Variants in TNFRSF1B observed in about 807,000 individuals in gnomAD.
The protein encoded by TNFRSF1B is tumor necrosis factor receptor superfamily member 1B.
Under a neutral mutation model 44.6 loss-of-function variants are expected in TNFRSF1B, and 19 were observed. The observed-to-expected ratio is 0.43, with a 90% CI of 0.30 to 0.62. TNFRSF1B has a LOEUF of 0.62. Among genes scored for constraint, TNFRSF1B ranks in the 20% least tolerant of loss-of-function variants. The pLI, the probability that TNFRSF1B is intolerant of heterozygous loss-of-function variation, is 0.16. For synonymous variants in TNFRSF1B, 252 were observed against 261.1 expected, an observed-to-expected ratio of 0.97 and a Z score of 0.34; for missense variants, 541 against 619.9, an observed-to-expected ratio of 0.87 and a Z score of 1.35.
rs557951117 is a variant in TNFRSF1B, at chr1:12,207,166, C to T, written c.*146C>T. ...AAGTTCCTCTAGTGCCCTCCACAGC[C>T]GCAGCCTCCCTCTGACCTGCAGGCC... On this transcript the variant is annotated 3_prime_UTR_variant, in exon 10 of 10. Transcript: ENST00000376259. 2.5e-5 allele frequency: 20 copies of T among 809,776 alleles called. No homozygotes were observed. Among genetic ancestry groups the T allele is most frequent in the African/African-American group, 3.5e-5 (2 of 57,438 alleles). 50.2% of individuals were successfully genotyped at this position (809,776 alleles called of 1,614,324 possible).
rs1377148072 is a variant in TNFRSF1B, at chr1:12,171,472, C to A, written c.78+4303C>A. 1.3e-5 allele frequency among the ~76,000 whole-genome samples: 2 copies of A among 152,232 alleles called. No individual in the cohort carries two copies. Among genetic ancestry groups the A allele is most frequent in the African/African-American group, 4.8e-5 (2 of 41,454 alleles). On this transcript the variant is annotated intron_variant, in intron 1 of 9. Transcript: ENST00000376259. The surrounding 1 kb of genome is among the most constrained non-coding windows in gnomAD (Gnocchi z 4.5). Reference sequence around the variant, plus strand: ...GCTTCCTTCTGCTGAAGTAGACAATCCTGCCTGTAGGTGCTCCCTGCCAGG... The same window carrying A: ...GCTTCCTTCTGCTGAAGTAGACAATACTGCCTGTAGGTGCTCCCTGCCAGG...
intron 1 of TNFRSF1B, among the ~76,000 whole-genome samples, chr1:12,179,738 A>G (rs1368021159): frequency 6.6e-6 from 1 of 152,204 alleles, no homozygotes; most frequent in Non-Finnish European, 1.5e-5. Flanking sequence ...TGTTGCTGCC[A>G]TCAGCTCCTG....
At chr1:12,192,571 C>T in intron 5 of TNFRSF1B, 47 bp downstream of exon 5, 1 of 1,567,542 alleles carries the variant, frequency 6.4e-7, no homozygotes, top group Non-Finnish European at 8.8e-7. Context: ...GAGGGGCTGT[C>T]CCTGGGTGAC....
At chr1:12,197,546 A>G (rs1453686314) in intron 8 of TNFRSF1B, among the ~76,000 whole-genome samples, 1 of 145,414 alleles carries the variant, frequency 6.9e-6, no homozygotes, top group African/African-American at 2.4e-5. Flanking sequence ...GGCAGGGAGC[A>G]TCATCACCCC....
chr1:12,191,476 G>C (rs1182379083), intron 3 of TNFRSF1B, among the ~76,000 whole-genome samples: 1 of 151,662 alleles, frequency 6.6e-6, no homozygotes, highest in Non-Finnish European at 1.5e-5. Context: ...GGGAGGAGCG[G>C]GACTGTGGGG....
chr1:12,192,856 C>T lies in TNFRSF1B; in HGVS notation c.552-7C>T. 6.2e-7 allele frequency: 1 copy of T among 1,611,316 alleles called. No homozygotes were observed. Among genetic ancestry groups the T allele is most frequent in the Non-Finnish European group, 8.5e-7 (1 of 1,178,370 alleles). On this transcript the variant is annotated splice_polypyrimidine_tract_variant and splice_region_variant and intron_variant, in intron 5 of 9. Transcript: ENST00000376259. The stretch of plus-strand genomic sequence containing the variant: ...CTGCCTCCTGACCAAGCCTCCTCCT[C>T]CTCCAGCTGTAACGTGGTGGCCATC...
rs1189878327 is a variant in TNFRSF1B at position 12,178,088 on chromosome 1, C to A, written c.79-10708C>A. ...AGGTGGTGGTGGAGGAGACCGTGAG[C>A]CGCTGTCACCTGAACACTGGTGCAC... On this transcript the variant is annotated intron_variant, in intron 1 of 9. Coordinates refer to ENST00000376259, the MANE Select transcript of TNFRSF1B (RefSeq NM_001066.3). This position sits in a 1 kb window ranked among gnomAD's most constrained non-coding sequence, Gnocchi z 4.3. 6.6e-6 allele frequency among the ~76,000 whole-genome samples: 1 copy of A among 152,224 alleles called. No homozygotes were observed. Among genetic ancestry groups the A allele is most frequent in the East Asian group, 1.9e-4 (1 of 5,204 alleles).
intron 1 of TNFRSF1B, among the ~76,000 whole-genome samples, chr1:12,174,152 C>CTTCTTT (rs1638588143): frequency 1.0e-5 from 1 of 98,340 alleles, no homozygotes; most frequent in East Asian, 2.5e-4. Flanking sequence ...TCTTCTTCTT[C>CTTCTTT]TTCTTCTTCT....
At chr1:12,188,308 A>AGAGGAG (rs1240144055) in intron 1 of TNFRSF1B, among the ~76,000 whole-genome samples, 3 of 152,064 alleles carry the variant, frequency 2.0e-5, no homozygotes, top group Admixed American at 6.6e-5. Context: ...GAGAGAGCCG[A>AGAGGAG]GAGGAGGAGG....
chr1:12,191,960 G>T, intron 4 of TNFRSF1B, 37 bp downstream of exon 4: 2 of 1,593,824 alleles, frequency 1.3e-6, no homozygotes, highest in South Asian at 2.3e-5. Flanking sequence ...GGACGCCCAT[G>T]GGCCTCTCCT....
intron 8 of TNFRSF1B, among the ~76,000 whole-genome samples, chr1:12,201,131 G>C (rs1206838117): frequency 6.6e-6 from 1 of 151,874 alleles, no homozygotes; most frequent in Non-Finnish European, 1.5e-5. Context: ...GCAGTGACAC[G>C]TGCCTGTGGT....
chr1:12,192,802 C>T, intron 5 of TNFRSF1B, 61 bp from the exon 6 acceptor site: 7 of 1,441,822 alleles, frequency 4.9e-6, no homozygotes, highest in Non-Finnish European at 6.6e-6. Flanking sequence ...CGTGAATGAG[C>T]CCAGCCACCC....
chr1:12,198,659 T>G (rs1309742030), intron 8 of TNFRSF1B, among the ~76,000 whole-genome samples: 3 of 141,356 alleles, frequency 2.1e-5, no homozygotes, highest in East Asian at 4.2e-4. Context: ...GAGCTGAGGG[T>G]GCTGGCTGGC....
intron 1 of TNFRSF1B, among the ~76,000 whole-genome samples, chr1:12,173,185 T>TC (rs1313549360): frequency 1.3e-5 from 2 of 152,278 alleles, no homozygotes; most frequent in South Asian, 4.1e-4. Flanking sequence ...GGCCTAAGCA[T>TC]CCCTATCTAT....
chr1:12,192,607 C>A, intron 5 of TNFRSF1B, 83 bp downstream of exon 5: 1 of 1,330,560 alleles, frequency 7.5e-7, no homozygotes. Flanking sequence ...CAGAGCAGCT[C>A]ACCAACCACC....
At chr1:12,172,747 A>C (rs539218359) in intron 1 of TNFRSF1B, among the ~76,000 whole-genome samples, 1 of 152,238 alleles carries the variant, frequency 6.6e-6, no homozygotes, top group Non-Finnish European at 1.5e-5. Context: ...GTCTTAGGAC[A>C]CTGTATTGTG....
chr1:12,168,635 G>A lies in TNFRSF1B; in HGVS notation c.78+1466G>A, dbSNP rs1638449982. Among the ~76,000 whole-genome samples, 1 of 152,154 alleles carries A rather than the reference G, an allele frequency of 6.6e-6. No homozygotes were observed. Among genetic ancestry groups the A allele is most frequent in the Non-Finnish European group, 1.5e-5 (1 of 68,022 alleles). On this transcript the variant is annotated intron_variant, in intron 1 of 9. Transcript: ENST00000376259. This position sits in a 1 kb window ranked among gnomAD's most constrained non-coding sequence, Gnocchi z 4.7. ...AGAGGGGTGTCAGGCACAGGGCTCA[G>A]CAGGACACCAGGCTGCAGTCCTGGA...
chr1:12,193,768 G>C (rs1639204275), intron 6 of TNFRSF1B, among the ~76,000 whole-genome samples, 187 bp from the exon 7 acceptor site: 1 of 152,196 alleles, frequency 6.6e-6, no homozygotes, highest in Admixed American at 6.5e-5. Flanking sequence ...TCTCAAACTA[G>C]TGGCCCTTAG....
chr1:12,199,250 C>A lies in TNFRSF1B; in HGVS notation c.901-2717C>A, dbSNP rs1466272722. 1.3e-5 allele frequency among the ~76,000 whole-genome samples: 2 copies of A among 152,234 alleles called. No homozygotes were observed. Among genetic ancestry groups the A allele is most frequent in the African/African-American group, 4.8e-5 (2 of 41,460 alleles). ...TGAGGAGTGACAATTGGCTGCTTCT[C>A]CTCCCCTTCCAGGCTCAGAGCAGGG... On this transcript the variant is annotated intron_variant, in intron 8 of 9. Coordinates refer to ENST00000376259, the MANE Select transcript of TNFRSF1B (RefSeq NM_001066.3). The surrounding 1 kb of genome is among the most constrained non-coding windows in gnomAD (Gnocchi z 4.0).
Sources: gnomAD v4.1 joint callset for allele counts (sites outside exome capture counted in the v4.1 genomes callset) on GRCh38, gnomAD v4.1.1 for gene constraint, Gnocchi (gnomAD v3.1) non-coding constraint, MANE v1.5 for transcripts, NCBI Gene and HGNC (gene_info 2026-07-23, HGNC 2026-07-21) for gene names.